MYO18B: variants seen among roughly 807,000 people sequenced by gnomAD.
MYO18B encodes the protein unconventional myosin-XVIIIb.
MYO18B carries 204 observed loss-of-function variants against 273.0 expected under a neutral mutation model. The ratio of observed to expected loss-of-function variants is 0.75; its 90% CI spans 0.67 to 0.84. The LOEUF (loss-of-function observed/expected upper bound fraction) is 0.84. MYO18B is among the 40% of genes least tolerant of loss of function. The pLI is 0.00. For synonymous variants in MYO18B, 1,330 were observed against 1,305.7 expected (o/e 1.02, Z -0.40); for missense variants, 3,212 against 3,287.6 (o/e 0.98, Z 0.56).
At chr22:26,012,739 T>C (rs1361147131) in intron 42 of MYO18B, among the ~76,000 whole-genome samples, 1 of 152,212 alleles carries the variant, frequency 6.6e-6, no homozygotes, top group Non-Finnish European at 1.5e-5. Flanking sequence ...TGCAAGTTTG[T>C]AGAAAACTAT....
intron 25 of MYO18B, 81 bp from the exon 26 acceptor site, chr22:25,890,675 A>G (rs1258047275): frequency 6.4e-7 from 1 of 1,558,096 alleles, no homozygotes; most frequent in Non-Finnish European, 8.7e-7. Flanking sequence ...ATTTGTCCAA[A>G]GGCGATCCTG....
At chr22:25,844,478 A>T (rs1178277988) in intron 18 of MYO18B, among the ~76,000 whole-genome samples, 1 of 152,284 alleles carries the variant, frequency 6.6e-6, no homozygotes, top group South Asian at 2.1e-4. Flanking sequence ...GGTGTCTCAG[A>T]TGGGCACCAG....
intron 1 of MYO18B, among the ~76,000 whole-genome samples, chr22:25,753,077 G>A (rs2146545922): frequency 7.2e-6 from 1 of 138,658 alleles, no homozygotes; most frequent in African/African-American, 2.8e-5. Flanking sequence ...CCATACCCGA[G>A]CCCCCCACCA....
chr22:26,008,887 A>T (rs1934659119), intron 42 of MYO18B, among the ~76,000 whole-genome samples: 1 of 152,160 alleles, frequency 6.6e-6, no homozygotes, highest in Non-Finnish European at 1.5e-5. Flanking sequence ...CCCTGACAAC[A>T]CATTGGGCTT....
At chr22:25,799,045 A>G (rs988736199) in intron 12 of MYO18B, among the ~76,000 whole-genome samples, 2 of 151,590 alleles carry the variant, frequency 1.3e-5, no homozygotes, top group Non-Finnish European at 1.5e-5. Flanking sequence ...CCAATCATTC[A>G]CTATGTTCCA....
chr22:26,060,808 A>T, the MYO18B span, among the ~76,000 whole-genome samples: 1 of 146,584 alleles, frequency 6.8e-6, no homozygotes. Flanking sequence ...ATATATGCAC[A>T]TAAACACATG....
chr22:25,867,532 A>G (rs946452390), intron 21 of MYO18B, among the ~76,000 whole-genome samples: 7 of 152,220 alleles, frequency 4.6e-5, no homozygotes, highest in Admixed American at 1.3e-4. Context: ...TCATCCATCA[A>G]TGGACATTTG....
chr22:25,792,761 G>A (rs192268555), intron 11 of MYO18B, among the ~76,000 whole-genome samples: 1 of 152,294 alleles, frequency 6.6e-6, no homozygotes, highest in African/African-American at 2.4e-5. Context: ...AAAGTGCTGG[G>A]ATTACAGGCG....
At chr22:25,802,677 C>T (rs544368889) in intron 12 of MYO18B, among the ~76,000 whole-genome samples, 37 of 145,456 alleles carry the variant, frequency 2.5e-4, no homozygotes, top group African/African-American at 8.4e-4. Context: ...GGCGTGAACC[C>T]GGGAGGCAGA....
intron 22 of MYO18B, among the ~76,000 whole-genome samples, chr22:25,868,700 C>G (rs2090961785): frequency 6.6e-6 from 1 of 152,168 alleles, no homozygotes; most frequent in Non-Finnish European, 1.5e-5. Flanking sequence ...TGCCATAAAA[C>G]CTGAGAAGAA....
chr22:26,039,480 C>T, the MYO18B span, among the ~76,000 whole-genome samples: 1 of 152,176 alleles, frequency 6.6e-6, no homozygotes, highest in Non-Finnish European at 1.5e-5. Context: ...ACACTAGTCT[C>T]ACCTGCCTTT....
intron 27 of MYO18B, chr22:25,892,685 G>C (rs565060428): frequency 1.3e-5 from 2 of 152,302 alleles, no homozygotes; most frequent in South Asian, 4.2e-4. Flanking sequence ...TTTCATTCTT[G>C]TTCTTGTTAT....
intron 22 of MYO18B, among the ~76,000 whole-genome samples, chr22:25,870,838 T>C (rs2091027044): frequency 6.6e-6 from 1 of 152,182 alleles, no homozygotes; most frequent in African/African-American, 2.4e-5. Flanking sequence ...ACCACTGGTC[T>C]AGATAATGAC....
intron 42 of MYO18B, among the ~76,000 whole-genome samples, chr22:26,023,220 T>G (rs1935957178): frequency 6.6e-6 from 1 of 152,206 alleles, no homozygotes; most frequent in Non-Finnish European, 1.5e-5. Context: ...GCTCTAGCCT[T>G]CCTTCTCTTC....
intron 1 of MYO18B, among the ~76,000 whole-genome samples, chr22:25,753,243 G>A (rs2085998310): frequency 6.6e-6 from 1 of 152,236 alleles, no homozygotes; most frequent in Non-Finnish European, 1.5e-5. Context: ...GGGTGTGGGG[G>A]GGGCGGGGGT....
chr22:25,915,370 A>G (rs371739354), intron 33 of MYO18B, among the ~76,000 whole-genome samples: 3 of 152,216 alleles, frequency 2.0e-5, no homozygotes, highest in East Asian at 1.9e-4. Flanking sequence ...GATATAGTCT[A>G]TTGCTCCTGG....
chr22:25,776,950 GT>G lies in MYO18B; in HGVS notation c.1870-626del, dbSNP rs573964465. On this transcript the variant is annotated intron_variant, in intron 7 of 43. Coordinates refer to ENST00000335473, the MANE Select transcript of MYO18B (RefSeq NM_032608.7). ...CAAAACTTGGTAGTGACTGTTAAATGTTTTTTTCAGCCATTGTAATAGGCAT... is the reference window on the plus strand; with the variant it reads ...CAAAACTTGGTAGTGACTGTTAAATGTTTTTTCAGCCATTGTAATAGGCAT... Among the ~76,000 whole-genome samples, 1,214 of 152,116 alleles carry G rather than the reference GT, an allele frequency of 8.0e-3. 20 individuals are homozygous for G. The highest frequency in any genetic ancestry group is 0.028 in the African/African-American group (1,161 of 41,506).
chr22:25,765,519 C>T (rs2086472586), intron 3 of MYO18B, among the ~76,000 whole-genome samples: 1 of 152,144 alleles, frequency 6.6e-6, no homozygotes, highest in South Asian at 2.1e-4. Context: ...GGAAAGTAAC[C>T]CGTATTGAAT....
intron 34 of MYO18B, among the ~76,000 whole-genome samples, chr22:25,941,316 A>C (rs1210450280): frequency 2.0e-5 from 3 of 152,154 alleles, no homozygotes; most frequent in Non-Finnish European, 2.9e-5. Flanking sequence ...AAAGGTGGGA[A>C]GTGTCAGCTG....
Sources: allele counts gnomAD v4.1 joint callset (sites outside exome capture counted in the v4.1 genomes callset), GRCh38; gene constraint gnomAD v4.1.1; transcripts MANE v1.5; gene names NCBI Gene and HGNC (gene_info 2026-07-23, HGNC 2026-07-21).